GPC6: variants seen among roughly 807,000 people sequenced by gnomAD.
GPC6 encodes glypican-6.
A neutral mutation model predicts 55.2 loss-of-function variants in GPC6; 14 were observed. The ratio of observed to expected loss-of-function variants is 0.25; its 90% CI spans 0.17 to 0.40. The LOEUF (loss-of-function observed/expected upper bound fraction) is 0.40. Ranked by LOEUF, GPC6 falls within the 10% of genes least tolerant of loss-of-function variation. The pLI, the probability that GPC6 is intolerant of heterozygous loss-of-function variation, is 1.00. For missense variants in GPC6, 641 were observed against 708.5 expected (o/e 0.90, Z 1.08); for synonymous variants, 278 against 259.6 (o/e 1.07, Z -0.68).
At chr13:94,079,095 C>T (rs952759721) in intron 4 of GPC6, among the ~76,000 whole-genome samples, 11 of 151,900 alleles carry the variant, frequency 7.2e-5, no homozygotes, top group Non-Finnish European at 1.6e-4. Flanking sequence ...TACAGTATAA[C>T]ATCTATTTAT....
intron 1 of GPC6, among the ~76,000 whole-genome samples, chr13:93,304,276 T>C (rs1436945406): frequency 1.3e-5 from 2 of 152,162 alleles, no homozygotes; most frequent in Non-Finnish European, 2.9e-5. Flanking sequence ...TGAAACTCTA[T>C]CCTAGGGCTT....
intron 6 of GPC6, among the ~76,000 whole-genome samples, chr13:94,354,450 T>C (rs1878699353): frequency 6.6e-6 from 1 of 152,162 alleles, no homozygotes; most frequent in Non-Finnish European, 1.5e-5. Flanking sequence ...ATGCATGAGA[T>C]ACTGATAAAA....
intron 1 of GPC6, among the ~76,000 whole-genome samples, chr13:93,235,565 A>C (rs1200371814): frequency 6.6e-6 from 1 of 152,148 alleles, no homozygotes; most frequent in East Asian, 1.9e-4. Flanking sequence ...GAGATTGCCA[A>C]GGTCTCAGAG....
chr13:94,208,279 C>T (rs900188802), intron 4 of GPC6, among the ~76,000 whole-genome samples: 2 of 152,178 alleles, frequency 1.3e-5, no homozygotes, highest in African/African-American at 4.8e-5. Context: ...CTTAAAACCT[C>T]AGGTTCTTCA....
intron 1 of GPC6, among the ~76,000 whole-genome samples, chr13:93,290,476 C>T (rs180977992): frequency 6.6e-6 from 1 of 152,084 alleles, no homozygotes; most frequent in East Asian, 1.9e-4. Flanking sequence ...TTATTGTAAT[C>T]AAACAATTTG....
chr13:93,390,276 G>A (rs1875572910), intron 1 of GPC6, among the ~76,000 whole-genome samples: 1 of 152,068 alleles, frequency 6.6e-6, no homozygotes, highest in Non-Finnish European at 1.5e-5. Flanking sequence ...AACTTCAATG[G>A]AGAAGGAAGG....
At chr13:93,399,121 G>C (rs768188059) in intron 1 of GPC6, among the ~76,000 whole-genome samples, 3 of 151,742 alleles carry the variant, frequency 2.0e-5, no homozygotes, top group Non-Finnish European at 2.9e-5. Flanking sequence ...CATTCACCGT[G>C]GTCTCTCATT....
chr13:94,332,023 A>C (rs142662515), intron 6 of GPC6, among the ~76,000 whole-genome samples: 2 of 152,318 alleles, frequency 1.3e-5, no homozygotes, highest in East Asian at 3.9e-4. Flanking sequence ...ATTGCAAACT[A>C]TGAGGCAGTA....
intron 2 of GPC6, among the ~76,000 whole-genome samples, chr13:93,604,406 A>G (rs925657365): frequency 6.6e-6 from 1 of 152,184 alleles, no homozygotes; most frequent in Non-Finnish European, 1.5e-5. Flanking sequence ...TACCAAGTAT[A>G]GGAGATGTAG....
intron 1 of GPC6, among the ~76,000 whole-genome samples, chr13:93,328,756 A>T (rs2139133362): frequency 6.6e-6 from 1 of 152,220 alleles, no homozygotes; most frequent in African/African-American, 2.4e-5. Flanking sequence ...AGAATCTATG[A>T]ACTATTATGG....
chr13:93,874,855 A>G (rs901913124), intron 3 of GPC6, among the ~76,000 whole-genome samples: 2 of 151,776 alleles, frequency 1.3e-5, no homozygotes, highest in African/African-American at 4.8e-5. Context: ...CTCCTCTACC[A>G]TTTTATTTTC....
At chr13:94,316,221 G>A (rs964956608) in intron 6 of GPC6, among the ~76,000 whole-genome samples, 6 of 152,170 alleles carry the variant, frequency 3.9e-5, no homozygotes, top group Non-Finnish European at 8.8e-5. Context: ...TTATTAGAGA[G>A]GGGGTATCTA....
At chr13:94,005,346 G>A (rs1372494535) in intron 3 of GPC6, among the ~76,000 whole-genome samples, 1 of 152,100 alleles carries the variant, frequency 6.6e-6, no homozygotes, top group East Asian at 1.9e-4. Flanking sequence ...GATAATCCTT[G>A]TAGAGAGTTC....
At chr13:93,373,328 AC>A (rs1874749886) in intron 1 of GPC6, among the ~76,000 whole-genome samples, 1 of 151,874 alleles carries the variant, frequency 6.6e-6, no homozygotes, top group Non-Finnish European at 1.5e-5. Context: ...CTAATACACA[AC>A]CTCCTTTCTT....
intron 4 of GPC6, among the ~76,000 whole-genome samples, chr13:94,168,683 G>A (rs1888453731): frequency 6.8e-6 from 1 of 146,468 alleles, no homozygotes; most frequent in Non-Finnish European, 1.5e-5. Flanking sequence ...ATACATATTT[G>A]TATATGCATT....
chr13:94,294,437 T>TTAA (rs778958980), intron 5 of GPC6, among the ~76,000 whole-genome samples: 1 of 116,754 alleles, frequency 8.6e-6, no homozygotes. Flanking sequence ...AAATGAAGAT[T>TTAA]AAAAAAAAAA....
intron 1 of GPC6, among the ~76,000 whole-genome samples, chr13:93,420,990 A>G (rs1407128075): frequency 6.6e-6 from 1 of 152,116 alleles, no homozygotes; most frequent in Non-Finnish European, 1.5e-5. Context: ...AAATCTCCAG[A>G]AAGAACTTCA....
intron 2 of GPC6, among the ~76,000 whole-genome samples, chr13:93,779,960 G>A (rs1001071581): frequency 1.3e-5 from 2 of 152,102 alleles, no homozygotes; most frequent in Admixed American, 6.6e-5. Flanking sequence ...GAAGAGTTGA[G>A]GACATTCTTT....
At chr13:93,403,430 G>A (rs990783316) in intron 1 of GPC6, among the ~76,000 whole-genome samples, 1 of 152,076 alleles carries the variant, frequency 6.6e-6, no homozygotes, top group Admixed American at 6.6e-5. Flanking sequence ...TCCATAATCC[G>A]TTAGGTTTTG....
Sources: allele counts gnomAD v4.1 joint callset (sites outside exome capture counted in the v4.1 genomes callset), GRCh38; gene constraint gnomAD v4.1.1; transcripts MANE v1.5; gene names NCBI Gene and HGNC (gene_info 2026-07-23, HGNC 2026-07-21).